Variants in TRIO observed in about 807,000 individuals in gnomAD.
The protein encoded by TRIO is triple functional domain protein.
TRIO carries 58 observed loss-of-function variants against 351.9 expected under a neutral mutation model. The observed-to-expected ratio is 0.16, with a 90% CI of 0.13 to 0.21. The LOEUF is 0.21. TRIO is among the 10% of genes least tolerant of loss of function. The pLI, the probability that TRIO is intolerant of heterozygous loss-of-function variation, is 1.00. For synonymous variants in TRIO, 1,758 were observed against 1,595.7 expected, an observed-to-expected ratio of 1.10 and a Z score of -2.42; for missense variants, 3,201 against 4,027.8, an observed-to-expected ratio of 0.79 and a Z score of 5.56.
intron 7 of TRIO, chr5:14,297,656 C>T (rs566965279): frequency 2.1e-4 from 35 of 165,746 alleles, no homozygotes; most frequent in South Asian, 1.2e-3. Context: ...CTTTATTACT[C>T]CAATTGGGAT....
chr5:14,311,235 G>A (rs1738902127), intron 8 of TRIO, among the ~76,000 whole-genome samples: 1 of 152,212 alleles, frequency 6.6e-6, no homozygotes, highest in Admixed American at 6.5e-5. Context: ...CGCCAACTGG[G>A]CTGCTCCAGA....
intron 8 of TRIO, among the ~76,000 whole-genome samples, chr5:14,315,761 T>C (rs1739331207): frequency 6.6e-6 from 1 of 152,234 alleles, no homozygotes; most frequent in Non-Finnish European, 1.5e-5. Flanking sequence ...GAATCACTTT[T>C]AAGTAGGAAA....
intron 1 of TRIO, among the ~76,000 whole-genome samples, chr5:14,148,038 GTCA>G (rs1357791353): frequency 6.6e-6 from 1 of 152,212 alleles, no homozygotes; most frequent in Non-Finnish European, 1.5e-5. Flanking sequence ...GTGCAGTAAA[GTCA>G]TCACTGAAAG....
At chr5:14,395,174 G>A (rs944594281) in intron 28 of TRIO, among the ~76,000 whole-genome samples, 2 of 152,158 alleles carry the variant, frequency 1.3e-5, no homozygotes, top group African/African-American at 2.4e-5. Context: ...TAGCTACATC[G>A]TTTTGTGAAA....
At position 14,390,911 on chromosome 5, in the gene TRIO, T is replaced by A; in HGVS notation, c.4139T>A (p.Phe1380Tyr). The change falls in exon 27 of 57, where the codon TTT becomes TAT. Residue 1380 changes from phenylalanine to tyrosine, a missense_variant. Phe to Tyr is a conservative substitution (Grantham distance 22). Coordinates refer to ENST00000344204, the MANE Select transcript of TRIO (RefSeq NM_007118.4). ...GHCFVTWADK[F>Y]QMYVTYCKNK... ...TTTTTTGGCTTACAGGCAGACAAGT[T>A]TCAGATGTATGTCACATATTGCAAA... The A allele has an allele frequency of 6.2e-7, 1 of 1,604,864 alleles. No homozygotes were observed. Among genetic ancestry groups the A allele is most frequent in the Non-Finnish European group, 8.5e-7 (1 of 1,177,452 alleles).
chr5:14,429,341 C>G (rs1192684867), intron 34 of TRIO, among the ~76,000 whole-genome samples: 1 of 152,196 alleles, frequency 6.6e-6, no homozygotes, highest in Non-Finnish European at 1.5e-5. Context: ...ATGTTCCTTT[C>G]TCTGTTCAGA....
intron 1 of TRIO, among the ~76,000 whole-genome samples, chr5:14,239,829 G>A (rs1398595669): frequency 6.6e-6 from 1 of 152,192 alleles, no homozygotes; most frequent in Admixed American, 6.5e-5. Flanking sequence ...GATCTGAAAG[G>A]AGAACATTTG....
intron 8 of TRIO, among the ~76,000 whole-genome samples, chr5:14,307,432 T>A (rs949737053): frequency 1.3e-5 from 2 of 152,252 alleles, no homozygotes; most frequent in African/African-American, 4.8e-5. Context: ...TTTATGTCTT[T>A]GACATACTTA....
chr5:14,170,925 CTT>C (rs1789063426), intron 1 of TRIO, among the ~76,000 whole-genome samples: 2 of 152,032 alleles, frequency 1.3e-5, no homozygotes, highest in South Asian at 4.2e-4. Flanking sequence ...TTGTTTTTAA[CTT>C]AATATACAAT....
chr5:14,367,183 T>A (rs1744675435), intron 16 of TRIO, among the ~76,000 whole-genome samples: 1 of 151,988 alleles, frequency 6.6e-6, no homozygotes. Flanking sequence ...GAGGTGAGGA[T>A]CTGCATCCCA....
intron 1 of TRIO, among the ~76,000 whole-genome samples, chr5:14,207,357 C>G (rs2592049): frequency 0.041 from 1,083 of 26,276 alleles, 397 homozygotes; most frequent in Non-Finnish European, 0.081. Flanking sequence ...CACACACACA[C>G]ACACAGAGCC....
rs75491305 is a variant in TRIO at position 14,255,353 on chromosome 5, T to C, written c.158-15472T>C. On this transcript the variant is annotated intron_variant, in intron 1 of 56. Transcript: ENST00000344204. Reference sequence around the variant, plus strand: ...TGGATGGGGCTGTTCATGGCAGCATTATTTGTAATAGCAAAAATGAGAGAC... The same window carrying C: ...TGGATGGGGCTGTTCATGGCAGCATCATTTGTAATAGCAAAAATGAGAGAC... 7.7e-3 allele frequency among the ~76,000 whole-genome samples: 1,172 copies of C among 152,352 alleles called. 7 individuals are homozygous for C. Among genetic ancestry groups the C allele is most frequent in the Middle Eastern group, 0.031 (9 of 294 alleles).
At chr5:14,199,972 G>A (rs892646844) in intron 1 of TRIO, among the ~76,000 whole-genome samples, 1 of 152,112 alleles carries the variant, frequency 6.6e-6, no homozygotes, top group Non-Finnish European at 1.5e-5. Context: ...CAAGGCCAAC[G>A]GTTATGATTA....
At chr5:14,196,191 C>T (rs751194727) in intron 1 of TRIO, among the ~76,000 whole-genome samples, 20 of 151,944 alleles carry the variant, frequency 1.3e-4, no homozygotes, top group East Asian at 7.7e-4. Context: ...GAGGCTGAGA[C>T]GGGGTGGATC....
At chr5:14,359,249 G>T in intron 12 of TRIO, 108 bp from the exon 13 acceptor site, 5 of 1,375,444 alleles carry the variant, frequency 3.6e-6, no homozygotes, top group Non-Finnish European at 5.0e-6. Flanking sequence ...GACAAGCAGT[G>T]CAGCTTCCTG....
intron 33 of TRIO, among the ~76,000 whole-genome samples, chr5:14,410,275 T>C (rs1579574964): frequency 6.6e-6 from 1 of 152,284 alleles, no homozygotes; most frequent in South Asian, 2.1e-4. Flanking sequence ...CACGTGTGCC[T>C]GCGTTTGTGT....
chr5:14,368,566 CTT>C, intron 16 of TRIO, 140 bp from the exon 17 acceptor site: 1 of 846,060 alleles, frequency 1.2e-6, no homozygotes. Flanking sequence ...GTCTGCTGTG[CTT>C]TTAGAAGCAT....
intron 34 of TRIO, among the ~76,000 whole-genome samples, chr5:14,431,404 G>A (rs1751125377): frequency 6.6e-6 from 1 of 152,212 alleles, no homozygotes; most frequent in African/African-American, 2.4e-5. Flanking sequence ...TTATTTGAAG[G>A]TCCTTTCAAA....
Position 14,359,343 on chromosome 5 carries a change from G to T in TRIO, c.2217-14G>T. 2 of 1,604,532 alleles carry T rather than the reference G, an allele frequency of 1.2e-6. No homozygotes were observed. Among genetic ancestry groups the T allele is most frequent in the Admixed American group, 1.7e-5 (1 of 59,802 alleles). ...TTTCTCATCCAATTCCTGTTCCTCT[G>T]TGTGCTCTCGCAGGGACTCTGCCAT... On this transcript the variant is annotated splice_polypyrimidine_tract_variant and intron_variant, in intron 12 of 56. Coordinates refer to ENST00000344204, the MANE Select transcript of TRIO (RefSeq NM_007118.4).
Sources: gnomAD v4.1 joint callset for allele counts (sites outside exome capture counted in the v4.1 genomes callset) on GRCh38, gnomAD v4.1.1 for gene constraint, MANE v1.5 for transcripts, NCBI Gene and HGNC (gene_info 2026-07-23, HGNC 2026-07-21) for gene names.